The following CRTAC1 variants were observed in gnomAD, a reference collection of about 807,000 sequenced individuals.
CRTAC1 encodes the protein cartilage acidic protein 1.
CRTAC1 carries 37 observed loss-of-function variants against 67.8 expected under a neutral mutation model. The ratio of observed to expected loss-of-function variants is 0.55; its 90% CI spans 0.42 to 0.72. The LOEUF is 0.72. Ranked by LOEUF, CRTAC1 falls within the 30% of genes least tolerant of loss-of-function variation. The pLI is 0.00. For synonymous variants in CRTAC1, 348 were observed against 371.0 expected (o/e 0.94, Z 0.71); for missense variants, 780 against 931.6 (o/e 0.84, Z 2.12).
intron 2 of CRTAC1, among the ~76,000 whole-genome samples, chr10:98,002,189 A>T (rs899176563): frequency 6.6e-6 from 1 of 152,250 alleles, no homozygotes; most frequent in Non-Finnish European, 1.5e-5. Context: ...GCATACGTCT[A>T]CTTTCCAAAT....
rs769046920 is a variant in CRTAC1, at chr10:98,030,457, C to T, written c.16G>A (p.Asp6Asn). The change falls in exon 1 of 15, where the codon GAC becomes AAC. Residue 6 changes from aspartate to asparagine, a missense_variant. Coordinates refer to ENST00000370597, the MANE Select transcript of CRTAC1 (RefSeq NM_018058.7). This position sits in a 1 kb window ranked among gnomAD's most constrained non-coding sequence, Gnocchi z 4.2. ...CCGGTGCAGATACTCACGCCGGGGT[C>T]AGCGCTCGGAGCCATCCTCCCGCTC... is the stretch of plus-strand genomic sequence containing the variant. MAPSA[D>N]PGMSRMLPFL... 2 of 1,250,224 alleles carry T rather than the reference C, an allele frequency of 1.6e-6. No homozygotes were observed. The highest frequency in any genetic ancestry group is 2.0e-6 in the Non-Finnish European group (2 of 989,538). 77.4% of individuals were successfully genotyped at this position (1,250,224 alleles called of 1,614,324 possible). A position where few individuals can be genotyped will look rare whatever the true frequency, so the allele number is the denominator to read the frequency against.
At chr10:97,901,676 G>C (rs2050544271) in intron 7 of CRTAC1, 37 bp from the exon 8 acceptor site, 4 of 1,613,246 alleles carry the variant, frequency 2.5e-6, no homozygotes, top group Non-Finnish European at 3.4e-6. Context: ...TGGCAGGAGA[G>C]TGGGCTGGGG....
intron 2 of CRTAC1, among the ~76,000 whole-genome samples, chr10:98,006,848 T>C (rs1842800365): frequency 6.6e-6 from 1 of 152,218 alleles, no homozygotes; most frequent in African/African-American, 2.4e-5. Context: ...AACTGAACCA[T>C]AGGTGCCCCT....
At position 97,904,999 on chromosome 10, in the gene CRTAC1, T is replaced by C. The variant is rs78073750; in HGVS notation, c.851-185A>G. Reference sequence around the variant, plus strand: ...ATAGGGGCAGGAAGTGGGACAGTCATGTGCTTGAAAAGAAGACCCAAGACT... The same window carrying C: ...ATAGGGGCAGGAAGTGGGACAGTCACGTGCTTGAAAAGAAGACCCAAGACT... On this transcript the variant is annotated intron_variant, in intron 6 of 14. Coordinates refer to ENST00000370597, the MANE Select transcript of CRTAC1 (RefSeq NM_018058.7). Among the ~76,000 whole-genome samples, 1,314 of 152,162 alleles carry C rather than the reference T, an allele frequency of 8.6e-3. 25 individuals are homozygous for C. Among genetic ancestry groups the C allele is most frequent in the African/African-American group, 0.03 (1,242 of 41,498 alleles).
At chr10:97,951,011 C>G (rs1350089954) in intron 2 of CRTAC1, among the ~76,000 whole-genome samples, 2 of 152,198 alleles carry the variant, frequency 1.3e-5, no homozygotes, top group African/African-American at 2.4e-5. Context: ...TGACTGCCCC[C>G]TCTTCATGAT....
intron 4 of CRTAC1, among the ~76,000 whole-genome samples, chr10:97,919,387 G>A (rs11189431): frequency 0.071 from 10,810 of 152,252 alleles, 483 homozygotes; most frequent in African/African-American, 0.12. Context: ...AACCTTCCAA[G>A]TAGAGATGAG....
At chr10:98,024,391 A>C (rs1843182768) in intron 1 of CRTAC1, among the ~76,000 whole-genome samples, 2 of 152,210 alleles carry the variant, frequency 1.3e-5, no homozygotes, top group Non-Finnish European at 2.9e-5. Context: ...TCACTGATTA[A>C]TGACACACCT....
chr10:97,897,072 CCT>C, intron 8 of CRTAC1, 81 bp from the exon 9 acceptor site: 1 of 1,016,482 alleles, frequency 9.8e-7, no homozygotes, highest in Non-Finnish European at 1.5e-6. Flanking sequence ...CATTCTGTCC[CCT>C]GAGCATCCCC....
intron 3 of CRTAC1, among the ~76,000 whole-genome samples, chr10:97,933,995 C>T (rs368861669): frequency 3.3e-4 from 50 of 152,294 alleles, no homozygotes; most frequent in Admixed American, 1.4e-3. Flanking sequence ...CTGGGATTCA[C>T]AATGCAACAC....
intron 13 of CRTAC1, among the ~76,000 whole-genome samples, chr10:97,880,859 C>T (rs1218425539): frequency 6.6e-6 from 1 of 152,098 alleles, no homozygotes; most frequent in Non-Finnish European, 1.5e-5. Context: ...ATCAACACCC[C>T]CATCATCAAT....
At chr10:97,878,618 C>G in intron 14 of CRTAC1, 1 of 1,303,510 alleles carries the variant, frequency 7.7e-7, no homozygotes, top group Non-Finnish European at 1.0e-6. Flanking sequence ...ACATCATTTC[C>G]AAAGAGTGTT....
chr10:97,882,695 T>G (rs1446187522), intron 13 of CRTAC1, 91 bp downstream of exon 13: 30 of 1,419,132 alleles, frequency 2.1e-5, no homozygotes, highest in Non-Finnish European at 2.6e-5. Context: ...TGCCCCTTGC[T>G]TGCACCCTGG....
chr10:97,960,999 T>C (rs1234018531), intron 2 of CRTAC1, among the ~76,000 whole-genome samples: 2 of 152,246 alleles, frequency 1.3e-5, no homozygotes, highest in Non-Finnish European at 2.9e-5. Context: ...ATGTTTGAAA[T>C]ATAATTTTCC....
rs778718591 is a variant in CRTAC1, at chr10:97,908,019, T to C, written c.844A>G (p.Ser282Gly). 5 of 1,614,124 alleles carry C rather than the reference T, an allele frequency of 3.1e-6. No homozygotes were observed. Among genetic ancestry groups the C allele is most frequent in the Non-Finnish European group, 3.4e-6 (4 of 1,180,004 alleles). Residue 282 changes from serine (S) to glycine (G), a missense_variant, in exon 6 of 15, where the codon AGT becomes GGT. Physicochemically the swap from Ser to Gly is moderately conservative, Grantham distance 56. Coordinates refer to ENST00000370597, the MANE Select transcript of CRTAC1 (RefSeq NM_018058.7). ...GDGTFVDAAA[S>G]AGVDDPHQHG... is the part of the protein sequence containing the mutation. The stretch of plus-strand genomic sequence containing the variant: ...CATGGCTGCCTCCACTCACCAGCAC[T>C]GGCCGCAGCGTCCACAAAGGTGCCA...
At chr10:97,870,947 TGCAA>T (rs2050086891) in intron 14 of CRTAC1, 1 of 152,340 alleles carries the variant, frequency 6.6e-6, no homozygotes. Flanking sequence ...CAAAGGGGTA[TGCAA>T]CCCCCTAAAA....
chr10:97,871,999 CA>C (rs1414962752), intron 14 of CRTAC1, among the ~76,000 whole-genome samples: 1 of 152,236 alleles, frequency 6.6e-6, no homozygotes, highest in African/African-American at 2.4e-5. Context: ...ATGTTACACA[CA>C]AGCTTACACA....
intron 2 of CRTAC1, among the ~76,000 whole-genome samples, chr10:97,991,128 G>A (rs10883024): frequency 0.26 from 17,282 of 66,420 alleles, 2,241 homozygotes; most frequent in African/African-American, 0.35. Context: ...AAAAAAAAAA[G>A]ATTATCTCAG....
At chr10:98,023,193 T>G (rs902048218) in intron 1 of CRTAC1, among the ~76,000 whole-genome samples, 20 of 152,132 alleles carry the variant, frequency 1.3e-4, no homozygotes, top group Non-Finnish European at 2.6e-4. Context: ...AAACTCAGCC[T>G]TGCTCCAGGC....
intron 13 of CRTAC1, among the ~76,000 whole-genome samples, chr10:97,881,021 A>G (rs747887909): frequency 7.3e-5 from 11 of 151,700 alleles, no homozygotes; most frequent in Non-Finnish European, 1.6e-4. Flanking sequence ...CCACCACCCA[A>G]TTTCCTGCCA....
Sources: gnomAD v4.1 joint callset for allele counts (sites outside exome capture counted in the v4.1 genomes callset) on GRCh38, gnomAD v4.1.1 for gene constraint, Gnocchi (gnomAD v3.1) non-coding constraint, MANE v1.5 for transcripts, NCBI Gene and HGNC (gene_info 2026-07-23, HGNC 2026-07-21) for gene names.